Variants in SLC23A1 observed in about 807,000 individuals in gnomAD.
The protein encoded by SLC23A1 is Na(+)/L-ascorbic acid transporter 1.
In SLC23A1, 31 loss-of-function variants were observed where a neutral mutation model predicts 62.5. The ratio of observed to expected loss-of-function variants is 0.50; its 90% confidence interval spans 0.37 to 0.67. The LOEUF (loss-of-function observed/expected upper bound fraction) is 0.67, where lower values mean the gene tolerates loss of function less well. SLC23A1 is among the 30% of genes least tolerant of loss of function. The pLI is 0.00. For synonymous variants in SLC23A1, 271 were observed against 313.2 expected, an observed-to-expected ratio of 0.87 and a Z score of 1.42; for missense variants, 640 against 782.7, an observed-to-expected ratio of 0.82 and a Z score of 2.18.
Position 139,379,213 on chromosome 5 carries a change from A to G in SLC23A1, c.1067T>C (p.Ile356Thr). 1 of 1,614,096 alleles carries G rather than the reference A, an allele frequency of 6.2e-7. No homozygotes were observed. Among genetic ancestry groups the G allele is most frequent in the Non-Finnish European group, 8.5e-7 (1 of 1,179,970 alleles). The change falls in exon 9 of 15, where the codon ATC (isoleucine) becomes ACC (threonine). Residue 356 changes from isoleucine to threonine, a missense_variant. Ile to Thr is a moderately conservative substitution (Grantham distance 89, BLOSUM62 -1). Transcript: ENST00000348729. The surrounding 1 kb of genome is among the most constrained non-coding windows in gnomAD (Gnocchi z 4.7). ...AGAPPPPVHA[I>T]NRGIFTEGIC... ...AGGAGGGCAGGTAGGCTACCTGTTGATAGCATGTACTGGAGGGGGTGGTGC... is the reference window on the plus strand; with the variant it reads ...AGGAGGGCAGGTAGGCTACCTGTTGGTAGCATGTACTGGAGGGGGTGGTGC...
rs1456854225 is a variant in SLC23A1, at chr5:139,378,333, C to T, written c.1198G>A (p.Val400Met). ...AGCATGATAGCCGCACCATACTGCA[C>T]CACGCGCCGGCTGCCCACCTGCCGG... ...GITKVGSRRV[V>M]QYGAAIMLVL... The change falls in exon 11 of 15, where the codon GTG becomes ATG. Residue 400 changes from valine to methionine, a missense_variant. Coordinates refer to ENST00000348729, the MANE Select transcript of SLC23A1 (RefSeq NM_005847.5). This position sits in a 1 kb window ranked among gnomAD's most constrained non-coding sequence, Gnocchi z 4.5. 6 of 1,569,786 alleles carry T rather than the reference C, an allele frequency of 3.8e-6. No homozygotes were observed. The highest frequency in any genetic ancestry group is 5.2e-6 in the Non-Finnish European group (6 of 1,158,440).
At position 139,382,481 on chromosome 5, in the gene SLC23A1, G is replaced by A; in HGVS notation, c.150+11C>T. 2 of 1,548,526 alleles carry A rather than the reference G, an allele frequency of 1.3e-6. No individual in the cohort carries two copies. Among genetic ancestry groups the A allele is most frequent in the Non-Finnish European group, 1.8e-6 (2 of 1,120,886 alleles). The stretch of plus-strand genomic sequence containing the variant: ...TGCAGAGTGAGGGCGGGGAGGCCCT[G>A]GGGGACCCACCTGGAAGCCCAGCAG... On this transcript the variant is annotated intron_variant, in intron 2 of 14. Transcript: ENST00000348729.
chr5:139,384,802 G>A (rs1758446357), upstream of SLC23A1: 7 of 942,550 alleles, frequency 7.4e-6, no homozygotes, highest in African/African-American at 3.5e-5. Flanking sequence ...ACAGGTCCAC[G>A]TCATGGGTGC....
upstream of SLC23A1, among the ~76,000 whole-genome samples, chr5:139,385,552 G>A (rs189329984): frequency 1.5e-4 from 23 of 152,282 alleles, no homozygotes; most frequent in African/African-American, 2.6e-4. Flanking sequence ...GGTGGCCTGC[G>A]TGCACAGTTT....
chr5:139,373,016 G>A (rs1180618653), intron 13 of SLC23A1, among the ~76,000 whole-genome samples: 1 of 152,086 alleles, frequency 6.6e-6, no homozygotes, highest in Non-Finnish European at 1.5e-5. Flanking sequence ...GGGTAAGGGA[G>A]GCATATTTTG....
At chr5:139,368,864 C>A in intron 14 of SLC23A1, 1 of 1,186,104 alleles carries the variant, frequency 8.4e-7, no homozygotes, top group Non-Finnish European at 1.2e-6. Context: ...TATTAGAAGA[C>A]TTAATTGTAA....
chr5:139,381,028 C>A, intron 3 of SLC23A1, 142 bp from the exon 4 acceptor site: 1 of 594,910 alleles, frequency 1.7e-6, no homozygotes, highest in Admixed American at 3.0e-5. Flanking sequence ...ATCGTTGAGG[C>A]CCCAGGGAAG....
At chr5:139,381,614 CAAAAAAAAAAAAA>C (rs904456829) in intron 3 of SLC23A1, among the ~76,000 whole-genome samples, 1 of 55,706 alleles carries the variant, frequency 1.8e-5, no homozygotes, top group Non-Finnish European at 3.4e-5. Context: ...ACTCCGTCTC[CAAAAAAAAAAAAA>C]AAAAAAAAAA....
intron 13 of SLC23A1, among the ~76,000 whole-genome samples, chr5:139,373,853 C>T (rs956494993): frequency 3.9e-5 from 6 of 152,252 alleles, no homozygotes; most frequent in Non-Finnish European, 7.4e-5. Flanking sequence ...ATAGGTGTGG[C>T]GTAGGACTAT....
intron 13 of SLC23A1, among the ~76,000 whole-genome samples, 200 bp from the exon 14 acceptor site, chr5:139,372,453 T>C (rs901519198): frequency 4.6e-5 from 7 of 152,232 alleles, no homozygotes; most frequent in Non-Finnish European, 7.3e-5. Flanking sequence ...ATACTAGTTA[T>C]AGTAGTATTT....
intron 14 of SLC23A1, chr5:139,368,624 GTTCTT>G: frequency 2.7e-6 from 2 of 749,906 alleles, no homozygotes; most frequent in Non-Finnish European, 4.6e-6. Flanking sequence ...TACAGACTGA[GTTCTT>G]TTGTCTTTTT....
upstream of SLC23A1, chr5:139,383,322 G>T: frequency 6.3e-7 from 1 of 1,588,388 alleles, no homozygotes; most frequent in South Asian, 1.2e-5. Flanking sequence ...CAAGGAGGAG[G>T]ACTTTACTCC....
Position 139,381,907 on chromosome 5 carries a change from G to A in SLC23A1, c.293C>T (p.Thr98Ile). ...GGCGGCTCACCGGATGCCCACGGTG[G>A]TCTGGATGAGAGTGGTGATGCCCAC... ...TCVGITTLIQ[T>I]TVGIRLPLFQ... The change falls in exon 3 of 15, where the codon ACC (threonine) becomes ATC (isoleucine). Residue 98 changes from threonine to isoleucine, a missense_variant. Transcript: ENST00000348729. 6.4e-7 allele frequency: 1 copy of A among 1,563,920 alleles called. No individual in the cohort carries two copies. The highest frequency in any genetic ancestry group is 8.7e-7 in the Non-Finnish European group (1 of 1,155,288).
At chr5:139,372,329 A>C in intron 13 of SLC23A1, 76 bp from the exon 14 acceptor site, 1 of 1,363,842 alleles carries the variant, frequency 7.3e-7, no homozygotes, top group Non-Finnish European at 1.0e-6. Context: ...CCCAGTCCTA[A>C]GGCAGACTTC....
At position 139,371,978 on chromosome 5, in the gene SLC23A1, AC is replaced by A. The variant is rs1561971097; in HGVS notation, c.*19+8del. ...CAACCCTCCCACAAAAACCATAGACACATCCTACCTTTCCTGGAAGTCATTT... is the reference window on the plus strand; with the variant it reads ...CAACCCTCCCACAAAAACCATAGACAATCCTACCTTTCCTGGAAGTCATTT... On this transcript the variant is annotated splice_region_variant and intron_variant, in intron 14 of 14. Transcript: ENST00000348729. 6.2e-7 allele frequency: 1 copy of A among 1,606,874 alleles called. No homozygotes were observed. The highest frequency in any genetic ancestry group is 1.1e-5 in the South Asian group (1 of 90,718).
At chr5:139,368,737 A>G in intron 14 of SLC23A1, 1 of 1,612,564 alleles carries the variant, frequency 6.2e-7, no homozygotes. Context: ...TTCCAGGTCA[A>G]GAGCAATCTG....
intron 3 of SLC23A1, 23 bp downstream of exon 3, chr5:139,381,869 G>C (rs1455100380): frequency 6.5e-7 from 1 of 1,542,346 alleles, no homozygotes; most frequent in Admixed American, 2.0e-5. Context: ...GCGGGGGACG[G>C]GTTGGGGGGC....
rs1325322189 is a variant in SLC23A1, at chr5:139,372,237, A to G, written c.1566T>C (p.Arg522=). The change falls in exon 14 of 15, where the codon CGT becomes CGC. Residue 522 remains arginine, a synonymous_variant. Coordinates refer to ENST00000348729, the MANE Select transcript of SLC23A1 (RefSeq NM_005847.5). ...CCCCAGCTTTCCACTGTATCAGACC[A>G]CGCTCCTCTGGGCTCCCTGGAAGAG... ...DNTVPGSPEE[R]GLIQWKAGAH... 6.2e-7 allele frequency: 1 copy of G among 1,613,734 alleles called. No individual in the cohort carries two copies. The highest frequency in any genetic ancestry group is 8.5e-7 in the Non-Finnish European group (1 of 1,179,816).
In SLC23A1 at chr5:139,378,086, G is replaced by T; in HGVS notation, c.1342C>A (p.Gln448Lys). Reference sequence around the variant, plus strand: ...CGAGAGGAGTTCATGTCCACAAATTGCAGGTTGGACAGCCCCACAGCTGTA... The same window carrying T: ...CGAGAGGAGTTCATGTCCACAAATTTCAGGTTGGACAGCCCCACAGCTGTA... ...MITAVGLSNL[Q>K]FVDMNSSRNL... is the part of the protein sequence containing the mutation. Residue 448 changes from glutamine to lysine, a missense_variant, in exon 12 of 15, where the codon CAA (glutamine) becomes AAA (lysine). Transcript: ENST00000348729. The surrounding 1 kb of genome is among the most constrained non-coding windows in gnomAD (Gnocchi z 4.5). The T allele has an allele frequency of 6.2e-7, 1 of 1,614,220 alleles. No individual in the cohort carries two copies. The highest frequency in any genetic ancestry group is 8.5e-7 in the Non-Finnish European group (1 of 1,180,032).
Sources: gnomAD v4.1 joint callset for allele counts (sites outside exome capture counted in the v4.1 genomes callset) on GRCh38, gnomAD v4.1.1 for gene constraint, Gnocchi (gnomAD v3.1) non-coding constraint, MANE v1.5 for transcripts, NCBI Gene and HGNC (gene_info 2026-07-23, HGNC 2026-07-21) for gene names.